LIX1: variants seen among roughly 807,000 people sequenced by gnomAD.
LIX1 encodes limb and CNS expressed 1.
Under a neutral mutation model 33.4 loss-of-function variants are expected in LIX1, and 24 were observed. The observed-to-expected ratio is 0.72, with a 90% CI of 0.52 to 1.01. The LOEUF is 1.01. Ranked by LOEUF, LIX1 falls within the 50% of genes least tolerant of loss-of-function variation. The pLI is 0.00. For synonymous variants in LIX1, 124 were observed against 124.0 expected (o/e 1.00, Z 0.00); for missense variants, 311 against 339.2 (o/e 0.92, Z 0.65).
At chr5:97,124,715 G>T in intron 1 of LIX1, 86 bp from the exon 2 acceptor site, 2 of 1,166,082 alleles carry the variant, frequency 1.7e-6, no homozygotes, top group African/African-American at 1.5e-5. Context: ...GCTGGATTCT[G>T]TAGCATGACA....
At chr5:97,132,743 A>G (rs1748083419) in intron 1 of LIX1, among the ~76,000 whole-genome samples, 2 of 152,238 alleles carry the variant, frequency 1.3e-5, no homozygotes, top group East Asian at 1.9e-4. Context: ...GAAGAGGTGG[A>G]GCCACAAGGA....
At chr5:97,105,135 C>A in intron 4 of LIX1, 55 bp downstream of exon 4, 1 of 1,471,550 alleles carries the variant, frequency 6.8e-7, no homozygotes, top group African/African-American at 1.4e-5. Flanking sequence ...TGTTGCATTT[C>A]TCTTAGGCTT....
chr5:97,096,788 A>C, intron 5 of LIX1, 22 bp downstream of exon 5: 1 of 1,570,286 alleles, frequency 6.4e-7, no homozygotes, highest in East Asian at 2.2e-5. Context: ...ACACAGACTT[A>C]GACTTGATTA....
intron 1 of LIX1, among the ~76,000 whole-genome samples, chr5:97,133,955 C>G (rs1372309627): frequency 2.0e-5 from 3 of 152,172 alleles, no homozygotes; most frequent in Middle Eastern, 3.4e-3. Flanking sequence ...AAAAAGGGAT[C>G]TTAAAAATCC....
At chr5:97,139,455 C>T (rs973249151) in intron 1 of LIX1, among the ~76,000 whole-genome samples, 1 of 152,194 alleles carries the variant, frequency 6.6e-6, no homozygotes, top group African/African-American at 2.4e-5. Flanking sequence ...AATTGTCAAA[C>T]AGTGGCAAAT....
At chr5:97,102,863 T>C (rs1746788372) in intron 4 of LIX1, among the ~76,000 whole-genome samples, 1 of 152,122 alleles carries the variant, frequency 6.6e-6, no homozygotes, top group African/African-American at 2.4e-5. Flanking sequence ...GCAGGCAATG[T>C]TCATTCCATA....
Position 97,092,719 on chromosome 5 carries a change from C to G in LIX1, c.*2029G>C. 6.6e-6 allele frequency: 1 copy of G among 152,438 alleles called. No homozygotes were observed. Among genetic ancestry groups the G allele is most frequent in the East Asian group, 1.9e-4 (1 of 5,324 alleles). 9.4% of individuals were successfully genotyped at this position (152,438 alleles called of 1,614,324 possible). A position where few individuals can be genotyped will look rare whatever the true frequency, so the allele number is the denominator to read the frequency against. ...TGATATTGTCCCATCTGATCCCTGT[C>G]CCTGCATCTAATTAAGATGGTGTCA... On this transcript the variant is annotated 3_prime_UTR_variant, in exon 6 of 6. Transcript: ENST00000274382.
chr5:97,138,981 G>T (rs2112801845), intron 1 of LIX1, among the ~76,000 whole-genome samples: 1 of 152,222 alleles, frequency 6.6e-6, no homozygotes, highest in East Asian at 1.9e-4. Flanking sequence ...CAACACTTCT[G>T]GTCCCAAGCA....
intron 2 of LIX1, among the ~76,000 whole-genome samples, chr5:97,110,376 A>C (rs924590626): frequency 6.6e-6 from 1 of 152,240 alleles, no homozygotes; most frequent in Admixed American, 6.5e-5. Context: ...AAGCAGAACA[A>C]TTAAGGGCAG....
intron 2 of LIX1, among the ~76,000 whole-genome samples, chr5:97,123,567 A>C (rs1327266132): frequency 2.0e-5 from 3 of 152,174 alleles, no homozygotes; most frequent in Non-Finnish European, 4.4e-5. Context: ...CAGCCATTTA[A>C]ATCGTTTAAA....
chr5:97,132,330 G>T (rs1377444054), intron 1 of LIX1, among the ~76,000 whole-genome samples: 2 of 152,164 alleles, frequency 1.3e-5, no homozygotes, highest in African/African-American at 2.4e-5. Flanking sequence ...ATGTTAAAGT[G>T]ACATGTAAAA....
chr5:97,120,739 G>A (rs180974543), intron 2 of LIX1, among the ~76,000 whole-genome samples: 4 of 152,226 alleles, frequency 2.6e-5, no homozygotes, highest in African/African-American at 9.6e-5. Flanking sequence ...GGGAAAGTTG[G>A]ACCAGCTGTA....
chr5:97,138,340 G>A (rs1269411403), intron 1 of LIX1, among the ~76,000 whole-genome samples: 1 of 152,148 alleles, frequency 6.6e-6, no homozygotes, highest in Non-Finnish European at 1.5e-5. Flanking sequence ...CAGTGAAAGT[G>A]GTTTCTCCTC....
chr5:97,095,048 A>T lies in LIX1; in HGVS notation c.562-13T>A, dbSNP rs911186947. 1.9e-6 allele frequency: 3 copies of T among 1,610,960 alleles called. No individual in the cohort carries two copies. The African/African-American group carries it at 4.0e-5, about 22-fold the overall frequency. The stretch of plus-strand genomic sequence containing the variant: ...AGGAGATGACTTCCTGGGGGCCAAG[A>T]AACAAAGTCCAGGGTGTCAATAAAA... On this transcript the variant is annotated splice_polypyrimidine_tract_variant and intron_variant, in intron 5 of 5. Coordinates refer to ENST00000274382, the MANE Select transcript of LIX1 (RefSeq NM_153234.5).
At chr5:97,103,979 A>G (rs906691671) in intron 4 of LIX1, among the ~76,000 whole-genome samples, 4 of 152,026 alleles carry the variant, frequency 2.6e-5, no homozygotes, top group Non-Finnish European at 5.9e-5. Flanking sequence ...AAGAAAAAAA[A>G]AAAAAAAAAG....
rs1746098166 is a variant in LIX1, at chr5:97,092,105, A to G, written c.*2643T>C. 1 of 152,358 alleles carries G rather than the reference A, an allele frequency of 6.6e-6. No homozygotes were observed. The highest frequency in any genetic ancestry group is 1.5e-5 in the Non-Finnish European group (1 of 68,034). The allele number at this position is 152,358 out of a possible 1,614,324, so 9.4% of individuals were successfully genotyped here. A position where few individuals can be genotyped will look rare whatever the true frequency, so the allele number is the denominator to read the frequency against. ...CTGAGTTATGTTGGATCCCTGATGT[A>G]AAGTTTGACAGTGTATGTTGTGTTC... On this transcript the variant is annotated 3_prime_UTR_variant, in exon 6 of 6. Coordinates refer to ENST00000274382, the MANE Select transcript of LIX1 (RefSeq NM_153234.5).
rs539896746 is a variant in LIX1, at chr5:97,124,093, G to T, written c.246+373C>A. On this transcript the variant is annotated intron_variant, in intron 2 of 5. Transcript: ENST00000274382. ...AAATATAAATAGTATCAGGTATGAC[G>T]TTAGTCTTAAAAATTATATGATATT... Among the ~76,000 whole-genome samples the T allele has an allele frequency of 5.3e-5, 8 of 152,256 alleles. No homozygotes were observed. In the South Asian group the frequency reaches 1.7e-3, roughly 32 times the overall value.
At chr5:97,118,561 C>A (rs1160651376) in intron 2 of LIX1, among the ~76,000 whole-genome samples, 1 of 152,064 alleles carries the variant, frequency 6.6e-6, no homozygotes, top group African/African-American at 2.4e-5. Context: ...GAAGGATTAA[C>A]TGCCTAGACA....
chr5:97,093,299 A>G lies in LIX1; in HGVS notation c.*1449T>C, dbSNP rs1746168567. 1 of 152,442 alleles carries G rather than the reference A, an allele frequency of 6.6e-6. No individual in the cohort carries two copies. Among genetic ancestry groups the G allele is most frequent in the Admixed American group, 6.5e-5 (1 of 15,300 alleles). The allele number at this position is 152,442 out of a possible 1,614,324, so 9.4% of individuals were successfully genotyped here. A position where few individuals can be genotyped will look rare whatever the true frequency, so the allele number is the denominator to read the frequency against. ...ATTATAATGGTTTTGCTTTCAGTGAAGCATGTATGCACTTGCATAAACAAA... is the reference window on the plus strand; with the variant it reads ...ATTATAATGGTTTTGCTTTCAGTGAGGCATGTATGCACTTGCATAAACAAA... On this transcript the variant is annotated 3_prime_UTR_variant, in exon 6 of 6. Transcript: ENST00000274382.
Sources: allele counts gnomAD v4.1 joint callset (sites outside exome capture counted in the v4.1 genomes callset), GRCh38; gene constraint gnomAD v4.1.1; transcripts MANE v1.5; gene names NCBI Gene and HGNC (gene_info 2026-07-23, HGNC 2026-07-21).